Variants in PLXDC2 observed in about 807,000 individuals in gnomAD.
PLXDC2 encodes plexin domain containing 2.
In PLXDC2, 40 loss-of-function variants were observed where a neutral mutation model predicts 68.9. The observed-to-expected ratio is 0.58, with a 90% CI of 0.45 to 0.76. The LOEUF (loss-of-function observed/expected upper bound fraction) is 0.76. Among genes scored for constraint, PLXDC2 ranks in the 30% least tolerant of loss-of-function variants. PLXDC2 has a pLI of 0.00. For synonymous variants in PLXDC2, 243 were observed against 234.2 expected (o/e 1.04, Z -0.34); for missense variants, 644 against 661.9 (o/e 0.97, Z 0.30).
intron 2 of PLXDC2, among the ~76,000 whole-genome samples, chr10:20,024,112 C>G (rs1330749760): frequency 6.6e-6 from 1 of 152,164 alleles, no homozygotes; most frequent in Non-Finnish European, 1.5e-5. Context: ...CCAAGGCAAT[C>G]TGCTTATTTT....
intron 1 of PLXDC2, among the ~76,000 whole-genome samples, chr10:19,900,932 A>G (rs973089486): frequency 6.6e-6 from 1 of 150,486 alleles, no homozygotes; most frequent in African/African-American, 2.5e-5. Context: ...AAATGCCATT[A>G]TTTCATTCCT....
chr10:19,893,871 C>T (rs576128305), intron 1 of PLXDC2, among the ~76,000 whole-genome samples: 88 of 152,282 alleles, frequency 5.8e-4, no homozygotes, highest in African/African-American at 2.0e-3. Context: ...CACAAGTGAA[C>T]TTTGAAGAAG....
intron 6 of PLXDC2, among the ~76,000 whole-genome samples, chr10:20,150,995 C>T (rs1270419592): frequency 6.6e-6 from 1 of 152,182 alleles, no homozygotes; most frequent in East Asian, 1.9e-4. Context: ...TGTCTTCCCT[C>T]TGCACTTGGA....
chr10:20,159,563 A>T (rs543497262), intron 6 of PLXDC2, among the ~76,000 whole-genome samples: 1 of 152,244 alleles, frequency 6.6e-6, no homozygotes, highest in South Asian at 2.1e-4. Flanking sequence ...AGCCAGCGTG[A>T]TATTTTTCCA....
chr10:19,824,902 C>T (rs1485174182), intron 1 of PLXDC2, among the ~76,000 whole-genome samples: 1 of 152,090 alleles, frequency 6.6e-6, no homozygotes, highest in Non-Finnish European at 1.5e-5. Context: ...GAGGTCTTGT[C>T]AGGGGCCTGT....
intron 4 of PLXDC2, among the ~76,000 whole-genome samples, chr10:20,105,054 A>G (rs1159402913): frequency 6.7e-6 from 1 of 149,556 alleles, no homozygotes; most frequent in African/African-American, 2.4e-5. Flanking sequence ...CATCCAAAAA[A>G]AAAAAAAAAA....
At chr10:20,052,722 C>CAAAAAAAAAAAAAAAAAAAGAA (rs1835926099) in intron 3 of PLXDC2, among the ~76,000 whole-genome samples, 1 of 92,804 alleles carries the variant, frequency 1.1e-5, no homozygotes, top group African/African-American at 3.8e-5. Context: ...ACAAATTATG[C>CAAAAAAAAAAAAAAAAAAAGAA]AAAAAAAAAA....
intron 13 of PLXDC2, 39 bp from the exon 14 acceptor site, chr10:20,279,664 C>G (rs759204877): frequency 1.3e-6 from 2 of 1,535,126 alleles, no homozygotes; most frequent in Non-Finnish European, 1.8e-6. Context: ...AGAATCTTAC[C>G]CTGACGCACA....
At chr10:19,838,649 C>T (rs1299536313) in intron 1 of PLXDC2, among the ~76,000 whole-genome samples, 1 of 152,242 alleles carries the variant, frequency 6.6e-6, no homozygotes, top group African/African-American at 2.4e-5. Context: ...TGACAGTGTA[C>T]ACAACCGCAG....
At chr10:20,112,340 A>AG (rs1025923146) in intron 4 of PLXDC2, among the ~76,000 whole-genome samples, 42 of 146,612 alleles carry the variant, frequency 2.9e-4, no homozygotes, top group Non-Finnish European at 5.8e-4. Flanking sequence ...AGGAAAATGA[A>AG]AAAAAAAAAA....
intron 1 of PLXDC2, among the ~76,000 whole-genome samples, chr10:19,839,566 G>C (rs1021598941): frequency 4.6e-5 from 7 of 151,600 alleles, no homozygotes; most frequent in African/African-American, 1.7e-4. Flanking sequence ...TTGGGAAATT[G>C]CTTCACCCTT....
chr10:19,962,664 A>G (rs1187872687), intron 1 of PLXDC2, among the ~76,000 whole-genome samples: 4 of 142,504 alleles, frequency 2.8e-5, no homozygotes, highest in Non-Finnish European at 6.1e-5. Flanking sequence ...TGCTGGGATT[A>G]GGGGCGAGAG....
At chr10:20,044,355 G>T (rs11011757) in intron 2 of PLXDC2, among the ~76,000 whole-genome samples, 110,099 of 146,908 alleles carry the variant, frequency 0.75, 41,882 homozygotes, top group East Asian at 0.89. Context: ...CTGTTGCCCA[G>T]GCTGGAGTGT....
chr10:20,078,576 T>C (rs558131930), intron 4 of PLXDC2, among the ~76,000 whole-genome samples: 8 of 152,326 alleles, frequency 5.3e-5, no homozygotes, highest in Admixed American at 3.9e-4. Flanking sequence ...AAGTGTATTG[T>C]GATGGTAATT....
chr10:19,856,154 A>G (rs1312246145), intron 1 of PLXDC2, among the ~76,000 whole-genome samples: 1 of 152,164 alleles, frequency 6.6e-6, no homozygotes, highest in Non-Finnish European at 1.5e-5. Context: ...TGGGTATGTC[A>G]GATTTTATAA....
chr10:19,987,550 TG>T (rs1834661633), intron 1 of PLXDC2, among the ~76,000 whole-genome samples: 1 of 101,650 alleles, frequency 9.8e-6, no homozygotes, highest in South Asian at 3.4e-4. Context: ...TGATGTTATT[TG>T]GTTTTGTTTT....
Position 20,211,528 on chromosome 10 carries a change from C to T in PLXDC2, c.1062-141C>T, listed in dbSNP as rs191961330. On this transcript the variant is annotated intron_variant, in intron 9 of 13. Coordinates refer to ENST00000377252, the MANE Select transcript of PLXDC2 (RefSeq NM_032812.9). ...AAATATTTCCCTGCTTCTCCAGTTGCGAGTTCTATAGAAGAGTTAATGTTA... is the reference window on the plus strand; with the variant it reads ...AAATATTTCCCTGCTTCTCCAGTTGTGAGTTCTATAGAAGAGTTAATGTTA... The T allele has an allele frequency of 5.7e-5, 37 of 646,300 alleles. No individual in the cohort carries two copies. In the East Asian group the frequency reaches 6.2e-4, roughly 11 times the overall value. 40.0% of individuals were successfully genotyped at this position (646,300 alleles called of 1,614,324 possible).
intron 1 of PLXDC2, among the ~76,000 whole-genome samples, chr10:19,919,100 T>A (rs192959899): frequency 6.6e-6 from 1 of 152,350 alleles, no homozygotes; most frequent in African/African-American, 2.4e-5. Context: ...TTTCCTGTAT[T>A]GCACTGTGGC....
rs889637163 is a variant in PLXDC2, at chr10:20,281,838, A to G, written c.*2019A>G. The G allele has an allele frequency of 2.6e-5, 4 of 152,258 alleles. No individual in the cohort carries two copies. Among genetic ancestry groups the G allele is most frequent in the East Asian group, 1.9e-4 (1 of 5,186 alleles). 9.4% of individuals were successfully genotyped at this position (152,258 alleles called of 1,614,324 possible). A position where few individuals can be genotyped will look rare whatever the true frequency, so the allele number is the denominator to read the frequency against. On this transcript the variant is annotated 3_prime_UTR_variant, in exon 14 of 14. Transcript: ENST00000377252. Reference sequence around the variant, plus strand: ...TATTCTACAAATGCATAAGGAACACATAGACGACTTCCTTTTAGGATAAAA... The same window carrying G: ...TATTCTACAAATGCATAAGGAACACGTAGACGACTTCCTTTTAGGATAAAA...
Sources: allele counts gnomAD v4.1 joint callset (sites outside exome capture counted in the v4.1 genomes callset), GRCh38; gene constraint gnomAD v4.1.1; transcripts MANE v1.5; gene names NCBI Gene and HGNC (gene_info 2026-07-23, HGNC 2026-07-21).